Variants in PLXNA4 observed in about 807,000 individuals in gnomAD.
The protein encoded by PLXNA4 is plexin A4, also known as plexin-A4.
PLXNA4 carries 44 observed loss-of-function variants against 191.8 expected under a neutral mutation model. That is an observed-to-expected ratio of 0.23 (90% confidence interval 0.18 to 0.29). PLXNA4 has a LOEUF of 0.29. Among genes scored for constraint, PLXNA4 ranks in the 10% least tolerant of loss-of-function variants. The pLI is 1.00. For missense variants in PLXNA4, 1,800 were observed against 2,488.8 expected (o/e 0.72, Z 5.89); for synonymous variants, 1,082 against 1,009.5 (o/e 1.07, Z -1.36).
intron 3 of PLXNA4, among the ~76,000 whole-genome samples, chr7:132,414,964 A>T (rs564937395): frequency 6.6e-6 from 1 of 151,812 alleles, no homozygotes; most frequent in Non-Finnish European, 1.5e-5. Context: ...GGAATCCACA[A>T]CCTCCTATCC....
chr7:132,431,990 C>T (rs1042903952), intron 3 of PLXNA4, among the ~76,000 whole-genome samples: 1 of 152,178 alleles, frequency 6.6e-6, no homozygotes. Context: ...GGCTCAGACC[C>T]TCCTCATACT....
rs760620863 is a variant in PLXNA4 at position 132,507,729 on chromosome 7, A to C, written c.965T>G (p.Leu322Arg). Residue 322 changes from leucine (L) to arginine (R), a missense_variant, in exon 2 of 32, where the codon CTT (leucine) becomes CGT (arginine). By Grantham distance (102) the Leu-to-Arg change is moderately radical (BLOSUM62 -2). This residue lies in a region of PLXNA4 where 1,397 missense variants were observed against 1,880.4 expected (regional missense o/e 0.74). Transcript: ENST00000321063. ...TGGATGGACTCCAAGGGTCCTGCCA[A>C]GCACGGCCCCCGCTTTGGACAGGTA... ...AAYLSKAGAV[L>R]GRTLGVHPDD... 1 of 1,614,072 alleles carries C rather than the reference A, an allele frequency of 6.2e-7. No individual in the cohort carries two copies. The highest frequency in any genetic ancestry group is 2.2e-5 in the East Asian group (1 of 44,892).
chr7:132,439,537 A>C (rs1795609096), intron 3 of PLXNA4, among the ~76,000 whole-genome samples: 1 of 152,066 alleles, frequency 6.6e-6, no homozygotes, highest in South Asian at 2.1e-4. Flanking sequence ...GTGTATATCC[A>C]TGCATAGCTA....
chr7:132,473,061 A>C (rs1288082619), intron 3 of PLXNA4, among the ~76,000 whole-genome samples: 1 of 152,274 alleles, frequency 6.6e-6, no homozygotes, highest in Non-Finnish European at 1.5e-5. Context: ...AGCAGCAGGC[A>C]GAAGGTAGAG....
intron 3 of PLXNA4, among the ~76,000 whole-genome samples, chr7:132,476,041 G>A (rs1797116780): frequency 6.6e-6 from 1 of 152,208 alleles, no homozygotes; most frequent in African/African-American, 2.4e-5. Flanking sequence ...CGGTTCCTAT[G>A]CTTGCATGTG....
chr7:132,261,766 G>C (rs888722016), intron 4 of PLXNA4, among the ~76,000 whole-genome samples: 2 of 152,302 alleles, frequency 1.3e-5, no homozygotes, highest in African/African-American at 4.8e-5. Flanking sequence ...CTGGGTAGCA[G>C]CCACTCTGCC....
chr7:132,175,295 A>G (rs929807561), intron 20 of PLXNA4, among the ~76,000 whole-genome samples: 7 of 152,220 alleles, frequency 4.6e-5, no homozygotes, highest in African/African-American at 7.2e-5. Flanking sequence ...AGGGATGGGT[A>G]AGAGAAGGGA....
chr7:132,384,487 G>T (rs561409149), intron 3 of PLXNA4: 1 of 985,702 alleles, frequency 1.0e-6, no homozygotes, highest in African/African-American at 1.7e-5. Flanking sequence ...CACTGCTCAC[G>T]CTTTGTTGTA....
At chr7:132,260,804 A>G (rs1186035536) in intron 4 of PLXNA4, among the ~76,000 whole-genome samples, 1 of 152,132 alleles carries the variant, frequency 6.6e-6, no homozygotes, top group African/African-American at 2.4e-5. Flanking sequence ...ATAATGGTGG[A>G]TACCTGTCAT....
chr7:132,598,341 A>C (rs4546601), intron 2 of PLXNA4, among the ~76,000 whole-genome samples: 115,106 of 151,964 alleles, frequency 0.76, 44,352 homozygotes, highest in South Asian at 0.89. Context: ...AAACTCCTGA[A>C]CTCATGATTC....
intron 3 of PLXNA4, among the ~76,000 whole-genome samples, chr7:132,304,592 G>A (rs1801436253): frequency 6.6e-6 from 1 of 152,190 alleles, no homozygotes; most frequent in South Asian, 2.1e-4. Flanking sequence ...GCACAGCTCA[G>A]TTTGGAGCAG....
chr7:132,490,716 G>A (rs1270347458), intron 2 of PLXNA4, among the ~76,000 whole-genome samples: 1 of 152,128 alleles, frequency 6.6e-6, no homozygotes, highest in Non-Finnish European at 1.5e-5. Flanking sequence ...GTGAGCCCTT[G>A]CACCCAGCTG....
chr7:132,399,319 G>A (rs201801783), intron 3 of PLXNA4, among the ~76,000 whole-genome samples: 2 of 152,160 alleles, frequency 1.3e-5, no homozygotes, highest in African/African-American at 2.4e-5. Flanking sequence ...CTGATCATAA[G>A]CATAAAACAT....
intron 3 of PLXNA4, among the ~76,000 whole-genome samples, chr7:132,361,903 A>T (rs1301979472): frequency 6.6e-6 from 1 of 152,242 alleles, no homozygotes; most frequent in Non-Finnish European, 1.5e-5. Flanking sequence ...AAGAACATTT[A>T]AAAAAGGAAA....
chr7:132,581,143 C>A (rs373995924), upstream of PLXNA4, among the ~76,000 whole-genome samples: 7 of 152,232 alleles, frequency 4.6e-5, no homozygotes, highest in East Asian at 1.2e-3. Flanking sequence ...CTTATTCTTC[C>A]ATCTGTCTCC....
chr7:132,345,562 A>G (rs1803213224), intron 3 of PLXNA4, among the ~76,000 whole-genome samples: 1 of 152,192 alleles, frequency 6.6e-6, no homozygotes, highest in Admixed American at 6.5e-5. Context: ...TCTAACACAC[A>G]TGAGGTCAGG....
chr7:132,216,536 T>C (rs1438523878), intron 9 of PLXNA4, among the ~76,000 whole-genome samples: 2 of 152,230 alleles, frequency 1.3e-5, no homozygotes, highest in African/African-American at 4.8e-5. Flanking sequence ...CTGGCTCTGA[T>C]AGGCAGCATG....
At chr7:132,214,806 T>C (rs895134626) in intron 9 of PLXNA4, among the ~76,000 whole-genome samples, 1 of 152,112 alleles carries the variant, frequency 6.6e-6, no homozygotes, top group African/African-American at 2.4e-5. Flanking sequence ...GTCTCCCCAC[T>C]CCTCGGCTAG....
intron 4 of PLXNA4, among the ~76,000 whole-genome samples, chr7:132,250,335 A>C (rs1032853955): frequency 1.3e-5 from 2 of 152,220 alleles, no homozygotes; most frequent in African/African-American, 4.8e-5. Flanking sequence ...GTAAATGAGA[A>C]AAGTGAATGA....
Sources: allele counts gnomAD v4.1 joint callset (sites outside exome capture counted in the v4.1 genomes callset), GRCh38; gene constraint gnomAD v4.1.1; regional missense constraint gnomAD v4.1.1; transcripts MANE v1.5; gene names NCBI Gene and HGNC (gene_info 2026-07-23, HGNC 2026-07-21).